The following HS6ST3 variants were observed in gnomAD, a reference collection of about 807,000 sequenced individuals.
The protein encoded by HS6ST3 is heparan sulfate 6-O-sulfotransferase 3.
Under a neutral mutation model 36.7 loss-of-function variants are expected in HS6ST3, and 12 were observed. That is an observed-to-expected ratio of 0.33 (90% CI 0.21 to 0.53). The LOEUF (loss-of-function observed/expected upper bound fraction) is 0.53, where lower values mean the gene tolerates loss of function less well. HS6ST3 is among the 20% of genes least tolerant of loss of function. The pLI is 0.95. For synonymous variants in HS6ST3, 240 were observed against 257.5 expected (o/e 0.93, Z 0.65); for missense variants, 584 against 640.9 (o/e 0.91, Z 0.96).
intron 1 of HS6ST3, among the ~76,000 whole-genome samples, chr13:96,185,587 T>C (rs1244838731): frequency 1.3e-5 from 2 of 152,228 alleles, no homozygotes; most frequent in Non-Finnish European, 2.9e-5. Context: ...CTTATCATTG[T>C]GGTTTTTGAT....
intron 1 of HS6ST3, among the ~76,000 whole-genome samples, chr13:96,536,514 G>C (rs1405373853): frequency 6.6e-6 from 1 of 152,200 alleles, no homozygotes; most frequent in Non-Finnish European, 1.5e-5. Flanking sequence ...GATCCAGAAT[G>C]ATCAAATATA....
chr13:96,500,710 T>C (rs1158049306), intron 1 of HS6ST3, among the ~76,000 whole-genome samples: 2 of 152,226 alleles, frequency 1.3e-5, no homozygotes, highest in Admixed American at 6.5e-5. Context: ...ATCCTGGGAA[T>C]GGTGTAAAAA....
intron 1 of HS6ST3, among the ~76,000 whole-genome samples, chr13:96,794,845 T>C (rs1389778053): frequency 6.6e-6 from 1 of 152,100 alleles, no homozygotes; most frequent in Non-Finnish European, 1.5e-5. Context: ...ACCAGCTGTG[T>C]ATTTCTGTTC....
At chr13:96,227,494 GT>G (rs2054486636) in intron 1 of HS6ST3, among the ~76,000 whole-genome samples, 4 of 152,214 alleles carry the variant, frequency 2.6e-5, no homozygotes, top group African/African-American at 9.6e-5. Context: ...AAGAACCTCT[GT>G]ACTGTGACAC....
chr13:96,207,147 A>G (rs1373953693), intron 1 of HS6ST3, among the ~76,000 whole-genome samples: 1 of 152,184 alleles, frequency 6.6e-6, no homozygotes, highest in Non-Finnish European at 1.5e-5. Flanking sequence ...TGGACAAAGG[A>G]CATAAATGGA....
At chr13:96,573,996 C>T (rs1349571730) in intron 1 of HS6ST3, 2 of 541,328 alleles carry the variant, frequency 3.7e-6, no homozygotes, top group Non-Finnish European at 7.5e-6. Flanking sequence ...TTTCCACAGC[C>T]ACGACTTCCT....
intron 1 of HS6ST3, among the ~76,000 whole-genome samples, chr13:96,262,490 T>C (rs1167899637): frequency 6.6e-6 from 1 of 152,202 alleles, no homozygotes; most frequent in East Asian, 1.9e-4. Flanking sequence ...ATTGTAATTG[T>C]TCCTTTACAT....
chr13:96,826,618 T>C (rs1878653358), intron 1 of HS6ST3, among the ~76,000 whole-genome samples: 1 of 152,098 alleles, frequency 6.6e-6, no homozygotes, highest in Non-Finnish European at 1.5e-5. Flanking sequence ...GATGTGAGCC[T>C]TGAGCTGGTC....
chr13:96,719,157 C>T (rs578107891), intron 1 of HS6ST3, among the ~76,000 whole-genome samples: 155 of 151,830 alleles, frequency 1.0e-3, no homozygotes, highest in Non-Finnish European at 1.8e-3. Flanking sequence ...GCCTGTAGTC[C>T]CAGCTAGTCG....
At chr13:96,457,859 CT>C (rs1176451196) in intron 1 of HS6ST3, among the ~76,000 whole-genome samples, 8 of 151,822 alleles carry the variant, frequency 5.3e-5, no homozygotes, top group African/African-American at 1.9e-4. Context: ...ACTTGTTTTC[CT>C]TTTTCTTCTT....
chr13:96,182,400 A>C (rs1164644364), intron 1 of HS6ST3, among the ~76,000 whole-genome samples: 1 of 152,198 alleles, frequency 6.6e-6, no homozygotes, highest in East Asian at 1.9e-4. Flanking sequence ...TCTGCTCACT[A>C]ATGTGATCAG....
intron 1 of HS6ST3, among the ~76,000 whole-genome samples, chr13:96,718,317 A>AT (rs768095037): frequency 6.6e-6 from 1 of 152,176 alleles, no homozygotes; most frequent in Non-Finnish European, 1.5e-5. Context: ...AGGTTAAATC[A>AT]TTTTTGTGCA....
chr13:96,361,390 G>C (rs1206354611), intron 1 of HS6ST3, among the ~76,000 whole-genome samples: 2 of 152,084 alleles, frequency 1.3e-5, no homozygotes, highest in African/African-American at 4.8e-5. Context: ...ATGTGTAATA[G>C]AAAAAATATA....
At chr13:96,738,825 A>G (rs1299805185) in intron 1 of HS6ST3, among the ~76,000 whole-genome samples, 2 of 152,172 alleles carry the variant, frequency 1.3e-5, no homozygotes, top group African/African-American at 2.4e-5. Flanking sequence ...TCTCTTGATC[A>G]TATTTCACCC....
chr13:96,584,426 G>A (rs2138971150), intron 1 of HS6ST3, among the ~76,000 whole-genome samples: 1 of 152,246 alleles, frequency 6.6e-6, no homozygotes, highest in Non-Finnish European at 1.5e-5. Flanking sequence ...TTACAGGTAT[G>A]AGCCACCACA....
intron 1 of HS6ST3, among the ~76,000 whole-genome samples, chr13:96,185,722 G>T (rs1478472174): frequency 1.3e-5 from 2 of 152,012 alleles, no homozygotes; most frequent in Admixed American, 6.6e-5. Context: ...CAGTGGCAAT[G>T]GTTCAATTCC....
chr13:96,611,835 A>G (rs1440844177), intron 1 of HS6ST3, among the ~76,000 whole-genome samples: 2 of 152,208 alleles, frequency 1.3e-5, no homozygotes, highest in Non-Finnish European at 2.9e-5. Flanking sequence ...GACTGGGGTC[A>G]ACAGGAAGCA....
At chr13:96,114,661 T>A (rs1035145006) in intron 1 of HS6ST3, among the ~76,000 whole-genome samples, 2 of 152,200 alleles carry the variant, frequency 1.3e-5, no homozygotes, top group Admixed American at 6.5e-5. Flanking sequence ...TGCAAAGTGC[T>A]TAGAAAAGTG....
At chr13:96,172,463 A>G (rs1297695133) in intron 1 of HS6ST3, among the ~76,000 whole-genome samples, 5 of 152,212 alleles carry the variant, frequency 3.3e-5, no homozygotes, top group African/African-American at 4.8e-5. Context: ...TCCACTTAGC[A>G]TTGGGTCCTC....
Sources: allele counts gnomAD v4.1 joint callset (sites outside exome capture counted in the v4.1 genomes callset), GRCh38; gene constraint gnomAD v4.1.1; transcripts MANE v1.5; gene names NCBI Gene and HGNC (gene_info 2026-07-23, HGNC 2026-07-21).